The following OR1N2 variants were observed in gnomAD, a reference collection of about 807,000 sequenced individuals.
OR1N2 encodes olfactory receptor family 1 subfamily N member 2, also known as olfactory receptor 1N2.
For synonymous variants in OR1N2, 152 were observed against 149.3 expected, an observed-to-expected ratio of 1.02 and a Z score of -0.13; for missense variants, 358 against 380.2, an observed-to-expected ratio of 0.94 and a Z score of 0.49.
Position 122,554,080 on chromosome 9 carries a change from C to G in OR1N2, c.869C>G (p.Pro290Arg). The G allele has an allele frequency of 6.2e-7, 1 of 1,613,264 alleles. No homozygotes were observed. Among genetic ancestry groups the G allele is most frequent in the South Asian group, 1.1e-5 (1 of 91,056 alleles). Residue 290 changes from proline to arginine, a missense_variant, in exon 1 of 1, where the codon CCA becomes CGA. Physicochemically the swap from Pro to Arg is moderately radical, Grantham distance 103. Transcript: ENST00000373688. ...ATGGTGATTATTCCCACGCTAAACC[C>G]ATTCATTTATAGCTTGAGGAACAGA... ...LYMVIIPTLN[P>R]FIYSLRNRDM...
In OR1N2 at chr9:122,553,143, A is replaced by G. The variant is rs74804951; in HGVS notation, c.-69A>G. 450 of 1,540,168 alleles carry G rather than the reference A, an allele frequency of 2.9e-4. 2 individuals carry two copies. The African/African-American group carries it at 5.2e-3, about 18-fold the overall frequency. On this transcript the variant is annotated 5_prime_UTR_variant, in exon 1 of 1. Coordinates refer to ENST00000373688, the MANE Select transcript of OR1N2 (RefSeq NM_001004457.2). ...TGGCCACACAGATGCATATCTGTAA[A>G]TTGATCTAATAAATAAATACTGACA...
chr9:122,553,895 G>A lies in OR1N2; in HGVS notation c.684G>A (p.Val228=), dbSNP rs374489636. The A allele has an allele frequency of 4.3e-6, 7 of 1,613,924 alleles. No individual in the cohort carries two copies. The African/African-American group carries it at 8.0e-5, about 18-fold the overall frequency. ...VFSYVRIFWA[V]FVISSPGGRW... ...CCTATGTCCGCATTTTCTGGGCTGT[G>A]TTTGTCATCTCATCTCCTGGAGGGA... The change falls in exon 1 of 1, where the codon GTG becomes GTA. Residue 228 remains valine (V), a synonymous_variant. Coordinates refer to ENST00000373688, the MANE Select transcript of OR1N2 (RefSeq NM_001004457.2).
rs1296997154 is a variant in OR1N2 at position 122,554,146 on chromosome 9, A to T, written c.935A>T (p.Lys312Ile). 6.2e-7 allele frequency: 1 copy of T among 1,611,440 alleles called. No homozygotes were observed. Among genetic ancestry groups the T allele is most frequent in the East Asian group, 2.2e-5 (1 of 44,852 alleles). ...TTGGGTAAACTTTTTGTCAGTGGAA[A>T]AACATTCTTTTTATGATTAGACATC... Reference protein sequence around the residue: ...EALGKLFVSGKTFFL With the variant: ...EALGKLFVSGITFFL The change falls in exon 1 of 1, where the codon AAA becomes ATA. Residue 312 changes from lysine (K) to isoleucine (I), a missense_variant. By Grantham distance (102) the Lys-to-Ile change is moderately radical. Transcript: ENST00000373688.
At position 122,553,757 on chromosome 9, in the gene OR1N2, T is replaced by C. The variant is rs1829229313; in HGVS notation, c.546T>C (p.Cys182=). Residue 182 remains cysteine (C), a synonymous_variant, in exon 1 of 1, where the codon TGT becomes TGC. Coordinates refer to ENST00000373688, the MANE Select transcript of OR1N2 (RefSeq NM_001004457.2). ...CAQKAIPHFY[C]DPSALLKLAC... ...AGAAAGCCATCCCTCATTTCTATTGTGATCCTAGTGCTCTCCTGAAGCTTG... is the reference window on the plus strand; with the variant it reads ...AGAAAGCCATCCCTCATTTCTATTGCGATCCTAGTGCTCTCCTGAAGCTTG... 6.2e-7 allele frequency: 1 copy of C among 1,614,088 alleles called. No homozygotes were observed. The highest frequency in any genetic ancestry group is 1.3e-5 in the African/African-American group (1 of 75,032).
chr9:122,554,054 T>C lies in OR1N2; in HGVS notation c.843T>C (p.Tyr281=), dbSNP rs775412875. The C allele has an allele frequency of 6.3e-5, 102 of 1,613,648 alleles. No homozygotes were observed. The Admixed American group carries it at 1.7e-3, about 26-fold the overall frequency. Residue 281 remains tyrosine (Y), a synonymous_variant, in exon 1 of 1, where the codon TAT becomes TAC. Transcript: ENST00000373688. The stretch of plus-strand genomic sequence containing the variant: ...GGGAAAGTAGGGCTGCTGTTCTCTA[T>C]ATGGTGATTATTCCCACGCTAAACC... ...TERESRAAVL[Y]MVIIPTLNPF... is the part of the protein sequence containing the mutation.
At position 122,553,439 on chromosome 9, in the gene OR1N2, C is replaced by G; in HGVS notation, c.228C>G (p.Phe76Leu). ...LANLSLTDAC[F>L]TSASIPKMLA... ...ACCTGTCATTAACTGATGCCTGTTT[C>G]ACTTCTGCCTCCATCCCCAAAATGC... The change falls in exon 1 of 1, where the codon TTC becomes TTG. Residue 76 changes from phenylalanine (F) to leucine (L), a missense_variant. Coordinates refer to ENST00000373688, the MANE Select transcript of OR1N2 (RefSeq NM_001004457.2). The G allele has an allele frequency of 6.2e-7, 1 of 1,614,180 alleles. No individual in the cohort carries two copies. The highest frequency in any genetic ancestry group is 1.1e-5 in the South Asian group (1 of 91,080).
chr9:122,553,748 T>C lies in OR1N2; in HGVS notation c.537T>C (p.His179=). The change falls in exon 1 of 1, where the codon CAT becomes CAC. Residue 179 remains histidine (H), a synonymous_variant. Coordinates refer to ENST00000373688, the MANE Select transcript of OR1N2 (RefSeq NM_001004457.2). ...VAFCAQKAIP[H]FYCDPSALLK... ...TCTGTGCCCAGAAAGCCATCCCTCA[T>C]TTCTATTGTGATCCTAGTGCTCTCC... 1 of 1,613,968 alleles carries C rather than the reference T, an allele frequency of 6.2e-7. No individual in the cohort carries two copies.
In OR1N2 at chr9:122,553,803, A is replaced by G. The variant is rs1404465790; in HGVS notation, c.592A>G (p.Asn198Asp). ...LKLACSDTHV[N>D]ELMIITMGLL... Reference sequence around the variant, plus strand: ...GCTTGCCTGCTCAGATACCCATGTAAACGAGCTGATGATCATCACCATGGG... The same window carrying G: ...GCTTGCCTGCTCAGATACCCATGTAGACGAGCTGATGATCATCACCATGGG... The change falls in exon 1 of 1, where the codon AAC becomes GAC. Residue 198 changes from asparagine to aspartate, a missense_variant. Coordinates refer to ENST00000373688, the MANE Select transcript of OR1N2 (RefSeq NM_001004457.2). 6.2e-7 allele frequency: 1 copy of G among 1,613,970 alleles called. No homozygotes were observed. Among genetic ancestry groups the G allele is most frequent in the Non-Finnish European group, 8.5e-7 (1 of 1,179,912 alleles).
At position 122,553,915 on chromosome 9, in the gene OR1N2, G is replaced by A. The variant is rs1829233845; in HGVS notation, c.704G>A (p.Gly235Glu). 1 of 1,613,636 alleles carries A rather than the reference G, an allele frequency of 6.2e-7. No homozygotes were observed. Among genetic ancestry groups the A allele is most frequent in the Non-Finnish European group, 8.5e-7 (1 of 1,179,800 alleles). Residue 235 changes from glycine to glutamate, a missense_variant, in exon 1 of 1, where the codon GGA (glycine) becomes GAA (glutamate). Coordinates refer to ENST00000373688, the MANE Select transcript of OR1N2 (RefSeq NM_001004457.2). ...GCTGTGTTTGTCATCTCATCTCCTG[G>A]AGGGAGATGGAAGGCCTTCTCTACC... ...FWAVFVISSP[G>E]GRWKAFSTCG... is the part of the protein sequence containing the mutation.
At position 122,554,188 on chromosome 9, in the gene OR1N2, A is replaced by G. The variant is rs1479590327; in HGVS notation, c.*26A>G. 1 of 1,556,070 alleles carries G rather than the reference A, an allele frequency of 6.4e-7. No individual in the cohort carries two copies. The highest frequency in any genetic ancestry group is 1.8e-5 in the Admixed American group (1 of 56,182). ...TTAGACATCTAGACGGTGATGTCTA[A>G]TCTTGATCAACCCCTCCCTGTCTTC... On this transcript the variant is annotated 3_prime_UTR_variant, in exon 1 of 1. Transcript: ENST00000373688.
Position 122,553,335 on chromosome 9 carries a change from A to G in OR1N2, c.124A>G (p.Met42Val). The G allele has an allele frequency of 1.2e-6, 2 of 1,614,016 alleles. No homozygotes were observed. The highest frequency in any genetic ancestry group is 2.2e-5 in the South Asian group (2 of 91,058). Residue 42 changes from methionine to valine, a missense_variant, in exon 1 of 1, where the codon ATG becomes GTG. By Grantham distance (21) the Met-to-Val change is conservative (BLOSUM62 1). Coordinates refer to ENST00000373688, the MANE Select transcript of OR1N2 (RefSeq NM_001004457.2). ...CTTCCTTGGCATGTACCTGGTCACC[A>G]TGGTGGGGAACCTGCTCATTATCCT... ...GIFLGMYLVT[M>V]VGNLLIILAI...
rs992729002 is a variant in OR1N2 at position 122,553,670 on chromosome 9, G to A, written c.459G>A (p.Val153=). The change falls in exon 1 of 1, where the codon GTG becomes GTA. Residue 153 remains valine, a synonymous_variant. Transcript: ENST00000373688. ...LCALMLGVCW[V]LTNCPALMHT... ...CACTAATGCTGGGTGTGTGCTGGGT[G>A]CTAACCAACTGTCCTGCCCTGATGC... The A allele has an allele frequency of 6.2e-7, 1 of 1,614,116 alleles. No individual in the cohort carries two copies. The highest frequency in any genetic ancestry group is 8.5e-7 in the Non-Finnish European group (1 of 1,180,026).
At position 122,553,792 on chromosome 9, in the gene OR1N2, A is replaced by G. The variant is rs770845893; in HGVS notation, c.581A>G (p.Asp194Gly). Reference sequence around the variant, plus strand: ...GCTCTCCTGAAGCTTGCCTGCTCAGATACCCATGTAAACGAGCTGATGATC... The same window carrying G: ...GCTCTCCTGAAGCTTGCCTGCTCAGGTACCCATGTAAACGAGCTGATGATC... Reference protein sequence around the residue: ...PSALLKLACSDTHVNELMIIT... With the variant: ...PSALLKLACSGTHVNELMIIT... The change falls in exon 1 of 1, where the codon GAT becomes GGT. Residue 194 changes from aspartate (D) to glycine (G), a missense_variant. Transcript: ENST00000373688. The G allele has an allele frequency of 3.0e-5, 48 of 1,613,972 alleles. No individual in the cohort carries two copies. In the Admixed American group the frequency reaches 6.2e-4, roughly 21 times the overall value.
chr9:122,553,307 C>T lies in OR1N2; in HGVS notation c.96C>T (p.Gly32=), dbSNP rs372898882. 8.2e-5 allele frequency: 133 copies of T among 1,613,942 alleles called. No homozygotes were observed. The highest frequency in any genetic ancestry group is 9.9e-5 in the Non-Finnish European group (117 of 1,180,014). ...CAGAGGAGCAGCCTCTTCTGTTTGG[C>T]ATCTTCCTTGGCATGTACCTGGTCA... The part of the protein sequence containing the change: ...EWPEEQPLLF[G]IFLGMYLVTM... The change falls in exon 1 of 1, where the codon GGC becomes GGT. Residue 32 remains glycine (G), a synonymous_variant. Transcript: ENST00000373688.
rs987687001 is a variant in OR1N2, at chr9:122,553,211, G to A, written c.-1G>A. ...TGCGCAGATCACACGAACTACAAGG[G>A]ATGGGAAAACCAGGCAGAGTGAACC... On this transcript the variant is annotated 5_prime_UTR_variant, in exon 1 of 1. Transcript: ENST00000373688. 6.2e-7 allele frequency: 1 copy of A among 1,613,416 alleles called. No individual in the cohort carries two copies. The highest frequency in any genetic ancestry group is 1.3e-5 in the African/African-American group (1 of 74,890).
At position 122,553,271 on chromosome 9, in the gene OR1N2, C is replaced by T. The variant is rs1829215543; in HGVS notation, c.60C>T (p.Leu20=). Residue 20 remains leucine, a synonymous_variant, in exon 1 of 1, where the codon CTC becomes CTT. Coordinates refer to ENST00000373688, the MANE Select transcript of OR1N2 (RefSeq NM_001004457.2). ...TTTCAGACTTCCTCCTTCTAGGACT[C>T]TCTGAGTGGCCAGAGGAGCAGCCTC... is the stretch of plus-strand genomic sequence containing the variant. ...TTVSDFLLLG[L]SEWPEEQPLL... The T allele has an allele frequency of 1.9e-6, 3 of 1,613,974 alleles. No homozygotes were observed. Among genetic ancestry groups the T allele is most frequent in the African/African-American group, 1.3e-5 (1 of 75,018 alleles).
At position 122,553,427 on chromosome 9, in the gene OR1N2, T is replaced by G. The variant is rs779474490; in HGVS notation, c.216T>G (p.Thr72=). Residue 72 remains threonine, a synonymous_variant, in exon 1 of 1, where the codon ACT becomes ACG. Coordinates refer to ENST00000373688, the MANE Select transcript of OR1N2 (RefSeq NM_001004457.2). ...MYFFLANLSL[T]DACFTSASIP... ...TCTTTCTGGCCAACCTGTCATTAAC[T>G]GATGCCTGTTTCACTTCTGCCTCCA... 1 of 1,614,196 alleles carries G rather than the reference T, an allele frequency of 6.2e-7. No individual in the cohort carries two copies. Among genetic ancestry groups the G allele is most frequent in the South Asian group, 1.1e-5 (1 of 91,080 alleles).
In OR1N2 at chr9:122,553,429, A is replaced by T; in HGVS notation, c.218A>T (p.Asp73Val). The change falls in exon 1 of 1, where the codon GAT becomes GTT. Residue 73 changes from aspartate to valine, a missense_variant. Transcript: ENST00000373688. ...TTTCTGGCCAACCTGTCATTAACTG[A>T]TGCCTGTTTCACTTCTGCCTCCATC... Reference protein sequence around the residue: ...YFFLANLSLTDACFTSASIPK... With the variant: ...YFFLANLSLTVACFTSASIPK... 1 of 1,614,034 alleles carries T rather than the reference A, an allele frequency of 6.2e-7. No individual in the cohort carries two copies. Among genetic ancestry groups the T allele is most frequent in the South Asian group, 1.1e-5 (1 of 91,064 alleles).
rs142706201 is a variant in OR1N2, at chr9:122,554,005, C to T, written c.794C>T (p.Pro265Leu). ...TCTCTTATGGGTGTGTATTTACTTC[C>T]TCCATCAACTTACTCTACAGAGAGG... ...YGSLMGVYLL[P>L]PSTYSTERES... Residue 265 changes from proline to leucine, a missense_variant, in exon 1 of 1, where the codon CCT (proline) becomes CTT (leucine). By Grantham distance (98) the Pro-to-Leu change is moderately conservative. Coordinates refer to ENST00000373688, the MANE Select transcript of OR1N2 (RefSeq NM_001004457.2). 29 of 1,613,760 alleles carry T rather than the reference C, an allele frequency of 1.8e-5. 1 individual carries two copies. Among genetic ancestry groups the T allele is most frequent in the African/African-American group, 1.7e-4 (13 of 75,010 alleles).
Sources: gnomAD v4.1 joint callset for allele counts on GRCh38, gnomAD v4.1.1 for gene constraint, MANE v1.5 for transcripts, NCBI Gene and HGNC (gene_info 2026-07-23, HGNC 2026-07-21) for gene names.